The following PHF2 variants were observed in gnomAD, a reference collection of about 807,000 sequenced individuals.
The protein encoded by PHF2 is lysine-specific demethylase PHF2.
In PHF2, 27 loss-of-function variants were observed where a neutral mutation model predicts 120.5. That is an observed-to-expected ratio of 0.22 (90% CI 0.17 to 0.31). PHF2 has a LOEUF of 0.31. Ranked by LOEUF, PHF2 falls within the 10% of genes least tolerant of loss-of-function variation. PHF2 has a pLI of 1.00. For synonymous variants in PHF2, 568 were observed against 592.5 expected (o/e 0.96, Z 0.60); for missense variants, 1,024 against 1,434.8 (o/e 0.71, Z 4.63).
chr9:93,662,642 A>C (rs563961205), intron 12 of PHF2, among the ~76,000 whole-genome samples: 3 of 151,192 alleles, frequency 2.0e-5, no homozygotes, highest in Admixed American at 6.6e-5. Context: ...TTGGTGGATG[A>C]ATGAACGGGA....
chr9:93,636,445 G>A lies in PHF2; in HGVS notation c.219G>A (p.Pro73=), dbSNP rs576235201. ...KKKRTWHKHG[P]GQAPDVKPVQ... is the part of the protein sequence containing the mutation. ...AGCGGACCTGGCACAAACACGGCCCGGGGCAAGCGCCTGACGTCAAGCCCG... is the reference window on the plus strand; with the variant it reads ...AGCGGACCTGGCACAAACACGGCCCAGGGCAAGCGCCTGACGTCAAGCCCG... The change falls in exon 3 of 22, where the codon CCG becomes CCA. Residue 73 remains proline (P), a synonymous_variant. Transcript: ENST00000359246. 24 of 1,610,306 alleles carry A rather than the reference G, an allele frequency of 1.5e-5. No homozygotes were observed. The highest frequency in any genetic ancestry group is 1.4e-4 in the South Asian group (13 of 90,322).
chr9:93,610,350 T>G (rs1825614056), intron 1 of PHF2, among the ~76,000 whole-genome samples: 1 of 152,210 alleles, frequency 6.6e-6, no homozygotes, highest in Non-Finnish European at 1.5e-5. Flanking sequence ...ATCTTCAGGC[T>G]CTCTGATTCT....
chr9:93,623,326 C>T (rs764524351), intron 1 of PHF2, among the ~76,000 whole-genome samples: 2 of 152,146 alleles, frequency 1.3e-5, no homozygotes, highest in African/African-American at 4.8e-5. Flanking sequence ...TTCATCTGGT[C>T]CCACAAAAGT....
chr9:93,636,012 G>T (rs1826083855), intron 2 of PHF2, among the ~76,000 whole-genome samples: 1 of 152,236 alleles, frequency 6.6e-6, no homozygotes, highest in South Asian at 2.1e-4. Flanking sequence ...GTCCCAGTAG[G>T]GAAGTGACAG....
chr9:93,623,225 A>C (rs1267466115), intron 1 of PHF2, among the ~76,000 whole-genome samples: 1 of 152,192 alleles, frequency 6.6e-6, no homozygotes, highest in Non-Finnish European at 1.5e-5. Flanking sequence ...TCTGGGCTGC[A>C]AGAGCTCAAC....
intron 7 of PHF2, among the ~76,000 whole-genome samples, chr9:93,655,284 T>TC (rs1291066146): frequency 6.6e-6 from 1 of 151,858 alleles, no homozygotes; most frequent in Non-Finnish European, 1.5e-5. Flanking sequence ...TGGTTTTTTT[T>TC]TTTTTTCATT....
At chr9:93,605,304 A>G (rs10821177) in intron 1 of PHF2, among the ~76,000 whole-genome samples, 47,350 of 152,050 alleles carry the variant, frequency 0.31, 8,147 homozygotes, top group South Asian at 0.61. Flanking sequence ...TGTAACCTCT[A>G]AAGGCTGGAC....
In PHF2 at chr9:93,666,078, C is replaced by T. The variant is rs759252718; in HGVS notation, c.2187+18C>T. The T allele has an allele frequency of 1.9e-6, 3 of 1,608,190 alleles. No homozygotes were observed. Among genetic ancestry groups the T allele is most frequent in the Non-Finnish European group, 2.6e-6 (3 of 1,175,766 alleles). ...CGTACAAGGTGAGCTGCCTTACAGGCCCCCCTCAGTCTCGGGGGGCATCTC... is the reference window on the plus strand; with the variant it reads ...CGTACAAGGTGAGCTGCCTTACAGGTCCCCCTCAGTCTCGGGGGGCATCTC... On this transcript the variant is annotated intron_variant, in intron 16 of 21. Transcript: ENST00000359246.
At chr9:93,659,713 C>T in intron 11 of PHF2, 113 bp downstream of exon 11, 1 of 938,610 alleles carries the variant, frequency 1.1e-6, no homozygotes, top group Non-Finnish European at 1.7e-6. Flanking sequence ...CTGGGAAGGC[C>T]AGTGCCCCAG....
At chr9:93,658,066 G>T in intron 9 of PHF2, 79 bp from the exon 10 acceptor site, 1 of 921,898 alleles carries the variant, frequency 1.1e-6, no homozygotes, top group Non-Finnish European at 1.7e-6. Flanking sequence ...GGCATCCCCC[G>T]GTCTGGCTAT....
intron 14 of PHF2, 92 bp from the exon 15 acceptor site, chr9:93,665,594 G>A (rs958531206): frequency 1.3e-5 from 18 of 1,396,120 alleles, no homozygotes; most frequent in East Asian, 4.6e-5. Context: ...CCATCCTGCC[G>A]CGGCCCTGGC....
In PHF2 at chr9:93,617,061, G is replaced by A. The variant is rs542395716; in HGVS notation, c.99-12909G>A. ...ACCAGGAATGCAATCCGGTTGTGCT[G>A]TTCGGGAGATCATTCCAGGCTTGGC... is the stretch of plus-strand genomic sequence containing the variant. On this transcript the variant is annotated intron_variant, in intron 1 of 21. Transcript: ENST00000359246. 1.9e-4 allele frequency among the ~76,000 whole-genome samples: 29 copies of A among 152,350 alleles called. 1 individual carries two copies. The highest frequency in any genetic ancestry group is 1.9e-4 in the Non-Finnish European group (13 of 68,028).
intron 1 of PHF2, among the ~76,000 whole-genome samples, chr9:93,609,512 C>T (rs1246751238): frequency 6.7e-6 from 1 of 148,864 alleles, no homozygotes; most frequent in African/African-American, 2.5e-5. Flanking sequence ...TTCTCCTTCA[C>T]TTTTGACGGA....
intron 1 of PHF2, among the ~76,000 whole-genome samples, chr9:93,602,623 T>G (rs1825463177): frequency 6.6e-6 from 1 of 152,068 alleles, no homozygotes; most frequent in South Asian, 2.1e-4. Flanking sequence ...TTCCCTGTTT[T>G]GAATTTTTTT....
At chr9:93,580,873 G>A (rs1282358296) in intron 1 of PHF2, among the ~76,000 whole-genome samples, 2 of 152,168 alleles carry the variant, frequency 1.3e-5, no homozygotes, top group East Asian at 3.9e-4. Flanking sequence ...CAGCAGAGGA[G>A]GGGCGAGAGT....
intron 7 of PHF2, 62 bp downstream of exon 7, chr9:93,654,637 G>A: frequency 2.0e-6 from 3 of 1,512,946 alleles, no homozygotes; most frequent in Non-Finnish European, 2.7e-6. Context: ...CAAGCTTACT[G>A]CCCTGTCCCT....
chr9:93,636,396 C>T lies in PHF2; in HGVS notation c.185-15C>T, dbSNP rs761865678. 2.3e-5 allele frequency: 36 copies of T among 1,587,948 alleles called. No homozygotes were observed. Among genetic ancestry groups the T allele is most frequent in the Middle Eastern group, 3.3e-4 (2 of 6,050 alleles). On this transcript the variant is annotated splice_polypyrimidine_tract_variant and intron_variant, in intron 2 of 21. Transcript: ENST00000359246. ...TGCGCTGTGTGACCGACCTTGCTTCCGGTCTCCTCCACAGTAAAGAAGAAG... is the reference window on the plus strand; with the variant it reads ...TGCGCTGTGTGACCGACCTTGCTTCTGGTCTCCTCCACAGTAAAGAAGAAG...
At chr9:93,607,798 A>G (rs9299409) in intron 1 of PHF2, among the ~76,000 whole-genome samples, 125,014 of 152,116 alleles carry the variant, frequency 0.82, 51,889 homozygotes, top group East Asian at 0.94. Flanking sequence ...TTCATTTCTG[A>G]TAAATAAGAA....
At chr9:93,636,552 C>T (rs1346751485) in intron 3 of PHF2, 27 bp downstream of exon 3, 1 of 1,436,666 alleles carries the variant, frequency 7.0e-7, no homozygotes, top group Non-Finnish European at 9.6e-7. Context: ...GTATGCTCCA[C>T]CACCTGCAGC....
Sources: gnomAD v4.1 joint callset for allele counts (sites outside exome capture counted in the v4.1 genomes callset) on GRCh38, gnomAD v4.1.1 for gene constraint, MANE v1.5 for transcripts, NCBI Gene and HGNC (gene_info 2026-07-23, HGNC 2026-07-21) for gene names.